ABCA1: variants seen among roughly 807,000 people sequenced by gnomAD.
The protein encoded by ABCA1 is ATP binding cassette subfamily A member 1, also known as phospholipid-transporting ATPase ABCA1.
ABCA1 carries 133 observed loss-of-function variants against 262.5 expected under a neutral mutation model. The ratio of observed to expected loss-of-function variants is 0.51; its 90% CI spans 0.44 to 0.59. ABCA1 has a LOEUF of 0.59. ABCA1 is among the 20% of genes least tolerant of loss of function. The probability of loss-of-function intolerance (pLI) is 0.00; values close to 1 mark genes in which losing one functional copy is unlikely to be tolerated. For synonymous variants in ABCA1, 1,022 were observed against 1,043.5 expected, an observed-to-expected ratio of 0.98 and a Z score of 0.40; for missense variants, 2,452 against 2,777.5, an observed-to-expected ratio of 0.88 and a Z score of 2.63.
rs1277494907 is a variant in ABCA1, at chr9:104,788,036, G to A, written c.6088C>T (p.Arg2030Trp). The change falls in exon 46 of 50, where the codon CGG becomes TGG. Residue 2030 changes from arginine (R) to tryptophan (W), a missense_variant. By Grantham distance (101) the Arg-to-Trp change is moderately radical. Transcript: ENST00000374736. The part of the protein sequence containing the change: ...EVGKVGEWAI[R>W]KLGLVKYGEK... ...CCATACTTCACGAGGCCCAGTTTCC[G>A]AATCGCCCACTCACCAACCTACAGT... The A allele has an allele frequency of 5.0e-6, 8 of 1,614,140 alleles. No homozygotes were observed. The highest frequency in any genetic ancestry group is 2.2e-5 in the South Asian group (2 of 91,070).
intron 30 of ABCA1, among the ~76,000 whole-genome samples, chr9:104,808,234 AC>A (rs1320237912): frequency 4.6e-5 from 7 of 152,050 alleles, no homozygotes; most frequent in Non-Finnish European, 8.8e-5. Flanking sequence ...TCATGTTTGA[AC>A]CCTCTGATGT....
At chr9:104,850,270 C>T (rs929387475) in intron 7 of ABCA1, among the ~76,000 whole-genome samples, 9 of 152,144 alleles carry the variant, frequency 5.9e-5, no homozygotes, top group East Asian at 1.9e-4. Flanking sequence ...TACAAGTGCA[C>T]GCCACCATGC....
intron 2 of ABCA1, among the ~76,000 whole-genome samples, chr9:104,891,913 T>C (rs967414977): frequency 8.4e-5 from 11 of 131,732 alleles, no homozygotes; most frequent in Non-Finnish European, 1.4e-4. Context: ...TGCTGTGAGC[T>C]GAGATCACGC....
At position 104,830,985 on chromosome 9, in the gene ABCA1, G is replaced by A; in HGVS notation, c.1832C>T (p.Thr611Ile). Residue 611 changes from threonine to isoleucine, a missense_variant, in exon 14 of 50, where the codon ACC becomes ATC. Thr to Ile is a moderately conservative substitution (Grantham distance 89, BLOSUM62 -1). Coordinates refer to ENST00000374736, the MANE Select transcript of ABCA1 (RefSeq NM_005502.4). ...EQAIIRVLTG[T>I]EKKTGVYMQQ... Reference sequence around the variant, plus strand: ...CATATAGACACCAGTTTTCTTCTCGGTGCCCGTCAGCACCCTGATGATTGC... The same window carrying A: ...CATATAGACACCAGTTTTCTTCTCGATGCCCGTCAGCACCCTGATGATTGC... 6.2e-7 allele frequency: 1 copy of A among 1,613,758 alleles called. No homozygotes were observed. The highest frequency in any genetic ancestry group is 8.5e-7 in the Non-Finnish European group (1 of 1,179,950).
chr9:104,814,625 T>C (rs1831574315), intron 25 of ABCA1, 150 bp from the exon 26 acceptor site: 1 of 834,250 alleles, frequency 1.2e-6, no homozygotes, highest in East Asian at 2.6e-5. Context: ...TTCTCAGAGT[T>C]ACCTGGGAGA....
Position 104,883,084 on chromosome 9 carries a change from G to A in ABCA1, c.376C>T (p.Arg126Cys), listed in dbSNP as rs1286945641. ...TGCTGTAATGTTCTCAGAACTTTGC[G>A]CATGTCCTTCATGCTGGTGTCTTTC... ...SQKDTSMKDMRKVLRTLQQIK... is the reference protein window; with the variant it reads ...SQKDTSMKDMCKVLRTLQQIK... The change falls in exon 5 of 50, where the codon CGC becomes TGC. Residue 126 changes from arginine (R) to cysteine (C), a missense_variant. Coordinates refer to ENST00000374736, the MANE Select transcript of ABCA1 (RefSeq NM_005502.4). 6.8e-6 allele frequency: 11 copies of A among 1,613,916 alleles called. No homozygotes were observed. Among genetic ancestry groups the A allele is most frequent in the East Asian group, 6.7e-5 (3 of 44,902 alleles).
chr9:104,845,853 G>C (rs964181205), intron 7 of ABCA1, among the ~76,000 whole-genome samples: 2 of 152,200 alleles, frequency 1.3e-5, no homozygotes, highest in Non-Finnish European at 2.9e-5. Context: ...GGGCTGGGGG[G>C]ATGTGTCCAA....
chr9:104,882,366 C>A (rs1164941148), intron 5 of ABCA1, among the ~76,000 whole-genome samples: 1 of 152,234 alleles, frequency 6.6e-6, no homozygotes, highest in African/African-American at 2.4e-5. Flanking sequence ...TGGCTGCACT[C>A]AGCCAGCTGC....
Position 104,870,652 on chromosome 9 carries a change from GATA to G in ABCA1, c.422-8855_422-8853del, listed in dbSNP as rs1205563004. On this transcript the variant is annotated intron_variant, in intron 5 of 49. Transcript: ENST00000374736. ...ACCAATAGCATTAGGGCCCCTCACA[GATA>G]CCATGAGTTTCATGTGCGTCTGTGT... Among the ~76,000 whole-genome samples, 1,293 of 152,172 alleles carry G rather than the reference GATA, an allele frequency of 8.5e-3. 18 individuals are homozygous for G. Among genetic ancestry groups the G allele is most frequent in the African/African-American group, 0.029 (1,223 of 41,498 alleles).
chr9:104,784,944 A>G lies in ABCA1; in HGVS notation c.6645+452T>C, dbSNP rs564989768. Among the ~76,000 whole-genome samples the G allele has an allele frequency of 7.2e-5, 11 of 152,222 alleles. No individual in the cohort carries two copies. In the East Asian group the frequency reaches 7.7e-4, roughly 11 times the overall value. On this transcript the variant is annotated intron_variant, in intron 49 of 49. Transcript: ENST00000374736. ...CAGGCATGAGCCACCACGCCCGGCCAAAAACTGACTTTCTATATCGCCCCC... is the reference window on the plus strand; with the variant it reads ...CAGGCATGAGCCACCACGCCCGGCCGAAAACTGACTTTCTATATCGCCCCC...
At chr9:104,845,390 C>T in intron 8 of ABCA1, 87 bp downstream of exon 8, 1 of 901,698 alleles carries the variant, frequency 1.1e-6, no homozygotes, top group Non-Finnish European at 1.9e-6. Flanking sequence ...TGATATTCAA[C>T]TCAAAAGGAC....
intron 20 of ABCA1, 118 bp downstream of exon 20, chr9:104,821,257 A>G: frequency 2.1e-6 from 3 of 1,428,614 alleles, no homozygotes; most frequent in East Asian, 2.3e-5. Flanking sequence ...AATAAAAAAG[A>G]AAAAAAGAAA....
chr9:104,872,319 A>G (rs78855082), intron 5 of ABCA1, among the ~76,000 whole-genome samples: 2 of 152,226 alleles, frequency 1.3e-5, no homozygotes, highest in African/African-American at 4.8e-5. Context: ...TCTTTCCACT[A>G]TATCAGCAAT....
rs117286381 is a variant in ABCA1 at position 104,915,425 on chromosome 9, G to A, written c.-92-11654C>T. Among the ~76,000 whole-genome samples the A allele has an allele frequency of 5.8e-3, 887 of 152,242 alleles. 5 individuals carry two copies. Among genetic ancestry groups the A allele is most frequent in the South Asian group, 0.03 (143 of 4,818 alleles). ...TAGAATAACCAAAACAAACCCTCTCGCTGGCTGCCTCACTAAATTAAGAGA... is the reference window on the plus strand; with the variant it reads ...TAGAATAACCAAAACAAACCCTCTCACTGGCTGCCTCACTAAATTAAGAGA... On this transcript the variant is annotated intron_variant, in intron 1 of 49. Transcript: ENST00000374736.
chr9:104,922,041 G>T (rs1842164855), intron 1 of ABCA1, among the ~76,000 whole-genome samples: 1 of 152,184 alleles, frequency 6.6e-6, no homozygotes, highest in African/African-American at 2.4e-5. Flanking sequence ...GTTTGCAAAA[G>T]CTAAAGGGTT....
intron 1 of ABCA1, among the ~76,000 whole-genome samples, chr9:104,916,353 T>G (rs1841841332): frequency 6.6e-6 from 1 of 152,166 alleles, no homozygotes; most frequent in Admixed American, 6.6e-5. Flanking sequence ...CAAAGAACAA[T>G]TTTTAGTTGA....
chr9:104,926,470 CA>C (rs781060719), intron 1 of ABCA1, among the ~76,000 whole-genome samples: 28 of 118,748 alleles, frequency 2.4e-4, no homozygotes, highest in Admixed American at 3.5e-4. Flanking sequence ...ACCAAAAAAA[CA>C]AAAAAAAAAA....
chr9:104,882,283 TA>T (rs1288281005), intron 5 of ABCA1, among the ~76,000 whole-genome samples: 4 of 152,186 alleles, frequency 2.6e-5, no homozygotes, highest in African/African-American at 9.6e-5. Flanking sequence ...ATGATAATAA[TA>T]AAATGCAGAC....
intron 7 of ABCA1, among the ~76,000 whole-genome samples, chr9:104,846,341 C>T (rs73521816): frequency 0.14 from 21,968 of 152,174 alleles, 5,115 homozygotes; most frequent in African/African-American, 0.49. Context: ...AGTTTCTTCA[C>T]TGTTATTTGT....
Sources: gnomAD v4.1 joint callset for allele counts (sites outside exome capture counted in the v4.1 genomes callset) on GRCh38, gnomAD v4.1.1 for gene constraint, MANE v1.5 for transcripts, NCBI Gene and HGNC (gene_info 2026-07-23, HGNC 2026-07-21) for gene names.